DPYD: variants seen among roughly 807,000 people sequenced by gnomAD.
DPYD encodes dihydropyrimidine dehydrogenase, also known as dihydropyrimidine dehydrogenase [NADP(+)].
DPYD carries 109 observed loss-of-function variants against 116.2 expected under a neutral mutation model. That is an observed-to-expected ratio of 0.94 (90% confidence interval 0.80 to 1.10). The LOEUF (loss-of-function observed/expected upper bound fraction) is 1.10, where lower values mean the gene tolerates loss of function less well. Among genes scored for constraint, DPYD ranks in the 50% least tolerant of loss-of-function variants. The pLI, the probability that DPYD is intolerant of heterozygous loss-of-function variation, is 0.00. For missense variants in DPYD, 1,302 were observed against 1,254.5 expected, an observed-to-expected ratio of 1.04 and a Z score of -0.57; for synonymous variants, 440 against 432.0, an observed-to-expected ratio of 1.02 and a Z score of -0.23.
At chr1:97,897,262 T>G (rs1051273908) in intron 1 of DPYD, among the ~76,000 whole-genome samples, 8 of 151,918 alleles carry the variant, frequency 5.3e-5, no homozygotes, top group Non-Finnish European at 4.4e-5. Context: ...AATCTGCTAT[T>G]GCTTTATCTT....
intron 6 of DPYD, among the ~76,000 whole-genome samples, chr1:97,697,513 T>G (rs1661372369): frequency 6.6e-6 from 1 of 152,072 alleles, no homozygotes. Flanking sequence ...TTTATAATCC[T>G]GTAACAGTGA....
chr1:97,491,948 T>G (rs148837273), intron 13 of DPYD, among the ~76,000 whole-genome samples: 19 of 152,130 alleles, frequency 1.2e-4, no homozygotes, highest in Non-Finnish European at 4.4e-5. Context: ...CAGGGCTTAT[T>G]ATGGATACAT....
chr1:97,217,776 A>G (rs1660511667), intron 19 of DPYD, among the ~76,000 whole-genome samples: 1 of 152,348 alleles, frequency 6.6e-6, no homozygotes, highest in South Asian at 2.1e-4. Flanking sequence ...GGGCTGGACC[A>G]GAGTGCTGAT....
intron 20 of DPYD, among the ~76,000 whole-genome samples, chr1:97,169,701 T>C (rs982756463): frequency 6.6e-6 from 1 of 152,104 alleles, no homozygotes; most frequent in Non-Finnish European, 1.5e-5. Context: ...GAACTAGCCA[T>C]GTTGTTTTAA....
chr1:97,717,492 A>G (rs1303579402), intron 5 of DPYD, among the ~76,000 whole-genome samples: 1 of 151,934 alleles, frequency 6.6e-6, no homozygotes, highest in Non-Finnish European at 1.5e-5. Context: ...TTTTTGTTAC[A>G]CTGGTAAGTT....
intron 12 of DPYD, among the ~76,000 whole-genome samples, chr1:97,526,878 G>C (rs557364675): frequency 3.8e-4 from 58 of 152,240 alleles, no homozygotes; most frequent in Non-Finnish European, 7.6e-4. Context: ...TTGTCCATTT[G>C]CAAGTAATAT....
chr1:97,271,241 G>A (rs1005660613), intron 18 of DPYD, among the ~76,000 whole-genome samples: 2 of 152,128 alleles, frequency 1.3e-5, no homozygotes, highest in African/African-American at 2.4e-5. Context: ...GGATAGAAAC[G>A]TTCTTAGGAA....
chr1:97,314,823 T>A (rs560059117), intron 16 of DPYD, among the ~76,000 whole-genome samples: 21 of 152,076 alleles, frequency 1.4e-4, no homozygotes, highest in Admixed American at 3.9e-4. Flanking sequence ...GTTTGAGAGG[T>A]ACCTGCCCAA....
intron 8 of DPYD, among the ~76,000 whole-genome samples, chr1:97,661,843 AG>A (rs1274242489): frequency 6.6e-6 from 1 of 151,962 alleles, no homozygotes; most frequent in African/African-American, 2.4e-5. Context: ...TTTAAGTAAA[AG>A]ATTTTCTTCT....
At position 97,557,041 on chromosome 1, in the gene DPYD, T is replaced by C. The variant is rs1390758951; in HGVS notation, c.1340-7297A>G. 1.2e-4 allele frequency among the ~76,000 whole-genome samples: 18 copies of C among 151,756 alleles called. No homozygotes were observed. In the South Asian group the frequency reaches 3.3e-3, roughly 28 times the overall value. On this transcript the variant is annotated intron_variant, in intron 11 of 22. Transcript: ENST00000370192. ...TGTTGTTTCCTGACTTTTTAATGAT[T>C]GCCATTCTAACTGGTGTGAGGTGGT... is the stretch of plus-strand genomic sequence containing the variant.
chr1:97,374,169 G>A (rs990152193), intron 15 of DPYD, among the ~76,000 whole-genome samples: 2 of 152,120 alleles, frequency 1.3e-5, no homozygotes, highest in Non-Finnish European at 2.9e-5. Context: ...TAAGCAAAAT[G>A]TAAAATGTTT....
In DPYD at chr1:97,567,907, A is replaced by T. The variant is rs1652640615; in HGVS notation, c.1339+5853T>A. Among the ~76,000 whole-genome samples the T allele has an allele frequency of 2.0e-5, 3 of 152,208 alleles. No homozygotes were observed. In the South Asian group the frequency reaches 6.2e-4, roughly 32 times the overall value. On this transcript the variant is annotated intron_variant, in intron 11 of 22. Transcript: ENST00000370192. Reference sequence around the variant, plus strand: ...TTTATTATACTTTAAGTTTTAGGGTACATATGCACAACGTGTAGGTTTGTT... The same window carrying T: ...TTTATTATACTTTAAGTTTTAGGGTTCATATGCACAACGTGTAGGTTTGTT...
At chr1:97,199,258 C>A (rs754943723) in intron 19 of DPYD, among the ~76,000 whole-genome samples, 1 of 152,064 alleles carries the variant, frequency 6.6e-6, no homozygotes, top group Non-Finnish European at 1.5e-5. Flanking sequence ...AGAGCTTGGA[C>A]TTGAAGTCCT....
chr1:97,404,875 C>T (rs929270438), intron 14 of DPYD, among the ~76,000 whole-genome samples: 3 of 150,040 alleles, frequency 2.0e-5, no homozygotes, highest in African/African-American at 7.3e-5. Context: ...ATACTGTTTC[C>T]GTCTTTTGTG....
rs115044334 is a variant in DPYD at position 97,314,597 on chromosome 1, C to T, written c.2059-8300G>A. On this transcript the variant is annotated intron_variant, in intron 16 of 22. Coordinates refer to ENST00000370192, the MANE Select transcript of DPYD (RefSeq NM_000110.4). ...TTCTTTCAGGCACTATTTTAATTCT[C>T]TGTGAGGACTCTCAGATCCTCTCCA... 7.5e-3 allele frequency among the ~76,000 whole-genome samples: 1,109 copies of T among 147,448 alleles called. 11 individuals are homozygous for T. The highest frequency in any genetic ancestry group is 0.027 in the African/African-American group (1,065 of 39,914).
intron 20 of DPYD, among the ~76,000 whole-genome samples, chr1:97,098,864 A>G (rs753236530): frequency 5.9e-5 from 9 of 152,158 alleles, no homozygotes; most frequent in Non-Finnish European, 8.8e-5. Flanking sequence ...ATATGTATGT[A>G]TTACATATAC....
In DPYD at chr1:97,570,594, A is replaced by G. The variant is rs545212993; in HGVS notation, c.1339+3166T>C. On this transcript the variant is annotated intron_variant, in intron 11 of 22. Transcript: ENST00000370192. Reference sequence around the variant, plus strand: ...AACATTGGTACATTTAATAAATATTATAATTAGAAATTTGAACTGGGGTAA... The same window carrying G: ...AACATTGGTACATTTAATAAATATTGTAATTAGAAATTTGAACTGGGGTAA... 4.6e-5 allele frequency among the ~76,000 whole-genome samples: 7 copies of G among 152,112 alleles called. 1 individual carries two copies. Among genetic ancestry groups the G allele is most frequent in the African/African-American group, 1.7e-4 (7 of 41,546 alleles).
intron 11 of DPYD, among the ~76,000 whole-genome samples, chr1:97,564,297 T>A (rs577927526): frequency 1.6e-4 from 24 of 152,210 alleles, no homozygotes; most frequent in Middle Eastern, 3.4e-3. Flanking sequence ...CATCAGGAAA[T>A]CAACAGTAAC....
intron 3 of DPYD, among the ~76,000 whole-genome samples, chr1:97,770,713 C>T (rs1666093242): frequency 6.6e-6 from 1 of 152,006 alleles, no homozygotes; most frequent in East Asian, 1.9e-4. Context: ...ACTTCATAAT[C>T]CTCTTGCAAA....
Sources: gnomAD v4.1 joint callset for allele counts (sites outside exome capture counted in the v4.1 genomes callset) on GRCh38, gnomAD v4.1.1 for gene constraint, MANE v1.5 for transcripts, NCBI Gene and HGNC (gene_info 2026-07-23, HGNC 2026-07-21) for gene names.